The following KIF26B variants were observed in gnomAD, a reference collection of about 807,000 sequenced individuals.
The protein encoded by KIF26B is kinesin family member 26B.
Under a neutral mutation model 151.2 loss-of-function variants are expected in KIF26B, and 63 were observed. The observed-to-expected ratio is 0.42, with a 90% CI of 0.34 to 0.51. The LOEUF (loss-of-function observed/expected upper bound fraction) is 0.51. Among genes scored for constraint, KIF26B ranks in the 20% least tolerant of loss-of-function variants. The pLI, the probability that KIF26B is intolerant of heterozygous loss-of-function variation, is 0.07. For synonymous variants in KIF26B, 1,357 were observed against 1,262.1 expected (o/e 1.08, Z -1.59); for missense variants, 2,813 against 2,913.6 (o/e 0.97, Z 0.79).
rs6664771 is a variant in KIF26B, at chr1:245,690,740, T to C, written c.5824+1933T>C. Among the ~76,000 whole-genome samples the C allele has an allele frequency of 1.2e-4, 18 of 149,760 alleles. No individual in the cohort carries two copies. The East Asian group carries it at 3.0e-3, about 25-fold the overall frequency. ...CAGTACCTTGACATCTTTATTTGCC[T>C]GGGGGGGGGGTATGCTTCAGTCTTT... On this transcript the variant is annotated intron_variant, in intron 12 of 14. Coordinates refer to ENST00000407071, the MANE Select transcript of KIF26B (RefSeq NM_018012.4).
chr1:245,228,293 G>T (rs1284975022), intron 2 of KIF26B, among the ~76,000 whole-genome samples: 2 of 152,170 alleles, frequency 1.3e-5, no homozygotes. Context: ...TTGCATGCAA[G>T]GGGCATCTCC....
At chr1:245,449,305 G>A (rs755185180) in intron 4 of KIF26B, among the ~76,000 whole-genome samples, 37 of 152,176 alleles carry the variant, frequency 2.4e-4, no homozygotes, top group Non-Finnish European at 3.8e-4. Context: ...CTAAAAACCA[G>A]TGAGAGCAAT....
At chr1:245,691,011 C>T (rs911522991) in intron 12 of KIF26B, among the ~76,000 whole-genome samples, 5 of 152,226 alleles carry the variant, frequency 3.3e-5, no homozygotes, top group African/African-American at 9.6e-5. Context: ...CACGCAGCCT[C>T]GGTCTTCAAA....
chr1:245,551,871 C>G (rs1020951281), intron 5 of KIF26B, among the ~76,000 whole-genome samples: 2 of 152,168 alleles, frequency 1.3e-5, no homozygotes, highest in Admixed American at 1.3e-4. Context: ...TGGGTGCCCC[C>G]TCGTGTGCTT....
intron 2 of KIF26B, among the ~76,000 whole-genome samples, chr1:245,213,119 T>G (rs2103544828): frequency 6.6e-6 from 1 of 152,320 alleles, no homozygotes; most frequent in East Asian, 1.9e-4. Flanking sequence ...TGATTTCCTT[T>G]CGGTTCAGAA....
chr1:245,250,291 T>C (rs1670419408), intron 2 of KIF26B, among the ~76,000 whole-genome samples: 1 of 152,232 alleles, frequency 6.6e-6, no homozygotes, highest in Admixed American at 6.5e-5. Context: ...TTTTGTATGC[T>C]TTAAAATTAT....
intron 2 of KIF26B, among the ~76,000 whole-genome samples, chr1:245,301,228 G>T (rs61711343): frequency 1.1e-3 from 165 of 152,276 alleles, no homozygotes; most frequent in African/African-American, 3.9e-3. Flanking sequence ...CCTTCCTGCC[G>T]CATGCAGGAG....
chr1:245,243,469 C>CACAA (rs1419440042), intron 2 of KIF26B, among the ~76,000 whole-genome samples: 4 of 151,418 alleles, frequency 2.6e-5, no homozygotes, highest in African/African-American at 9.7e-5. Context: ...CACACACACA[C>CACAA]ACATATATAT....
intron 2 of KIF26B, among the ~76,000 whole-genome samples, chr1:245,257,340 G>T (rs1670555595): frequency 6.6e-6 from 1 of 152,188 alleles, no homozygotes; most frequent in African/African-American, 2.4e-5. Context: ...ATCTCCTGGG[G>T]CTGTGTCACA....
Position 245,686,915 on chromosome 1 carries a change from C to G in KIF26B, c.3932C>G (p.Ala1311Gly). 6.2e-7 allele frequency: 1 copy of G among 1,613,306 alleles called. No individual in the cohort carries two copies. The highest frequency in any genetic ancestry group is 8.5e-7 in the Non-Finnish European group (1 of 1,179,736). The change falls in exon 12 of 15, where the codon GCA (alanine) becomes GGA (glycine). Residue 1311 changes from alanine (A) to glycine (G), a missense_variant. Physicochemically the swap from Ala to Gly is moderately conservative, Grantham distance 60. Coordinates refer to ENST00000407071, the MANE Select transcript of KIF26B (RefSeq NM_018012.4). This position sits in a 1 kb window ranked among gnomAD's most constrained non-coding sequence, Gnocchi z 5.6. ...TGTTTTGGGCACGGGGAGGCAATGG[C>G]AGAACCTGTGGCCTCGGAGTTTGTC... ...QTCFGHGEAM[A>G]EPVASEFVSS...
At position 245,251,380 on chromosome 1, in the gene KIF26B, A is replaced by G. The variant is rs79016053; in HGVS notation, c.465+94697A>G. Among the ~76,000 whole-genome samples, 883 of 152,274 alleles carry G rather than the reference A, an allele frequency of 5.8e-3. 14 individuals carry two copies. In the East Asian group the frequency reaches 0.076, roughly 13 times the overall value. ...AATTTTAACTTTTCTCTGCACGGTT[A>G]TGTTCATTTCAAATATCTTCTCCTA... On this transcript the variant is annotated intron_variant, in intron 2 of 14. Transcript: ENST00000407071.
At chr1:245,632,520 T>C (rs2043791799) in intron 9 of KIF26B, among the ~76,000 whole-genome samples, 1 of 152,364 alleles carries the variant, frequency 6.6e-6, no homozygotes, top group East Asian at 1.9e-4. Context: ...GCTCTCTAAA[T>C]ATCTGTTCGA....
At chr1:245,399,330 C>T (rs1389021937) in intron 3 of KIF26B, among the ~76,000 whole-genome samples, 2 of 152,138 alleles carry the variant, frequency 1.3e-5, no homozygotes, top group Non-Finnish European at 2.9e-5. Flanking sequence ...GACTCACTCC[C>T]CTTCTATGTG....
At position 245,438,580 on chromosome 1, in the gene KIF26B, G is replaced by A. The variant is rs139646704; in HGVS notation, c.1166+18835G>A. On this transcript the variant is annotated intron_variant, in intron 4 of 14. Transcript: ENST00000407071. ...TGAAACGAAGGCGTTTGTTCACGTC[G>A]AGACTTGCCCGTGAATGTTCATGGC... 2.6e-3 allele frequency among the ~76,000 whole-genome samples: 393 copies of A among 152,122 alleles called. 2 individuals are homozygous for A. Among genetic ancestry groups the A allele is most frequent in the African/African-American group, 9.1e-3 (379 of 41,488 alleles).
rs548122168 is a variant in KIF26B at position 245,664,379 on chromosome 1, A to C, written c.2258+18099A>C. Among the ~76,000 whole-genome samples, 68 of 149,876 alleles carry C rather than the reference A, an allele frequency of 4.5e-4. 1 individual carries two copies. The South Asian group carries it at 0.014, about 31-fold the overall frequency. ...CATCTCAAAAAAAAAAAAAATCCACAACATTTAACTGTACTTGGTAAGAAG... is the reference window on the plus strand; with the variant it reads ...CATCTCAAAAAAAAAAAAAATCCACCACATTTAACTGTACTTGGTAAGAAG... On this transcript the variant is annotated intron_variant, in intron 10 of 14. Transcript: ENST00000407071.
At chr1:245,506,334 C>A (rs1289428163) in intron 4 of KIF26B, among the ~76,000 whole-genome samples, 1 of 152,202 alleles carries the variant, frequency 6.6e-6, no homozygotes, top group Non-Finnish European at 1.5e-5. Flanking sequence ...CTTTACCCAT[C>A]TTAAGTCCTC....
At chr1:245,351,413 C>T (rs1450857244) in intron 2 of KIF26B, among the ~76,000 whole-genome samples, 2 of 152,154 alleles carry the variant, frequency 1.3e-5, no homozygotes, top group East Asian at 3.8e-4. Flanking sequence ...TATGCCTTTT[C>T]ATGTCTTAAA....
At chr1:245,372,031 G>GT (rs1216355504) in intron 3 of KIF26B, among the ~76,000 whole-genome samples, 1 of 113,298 alleles carries the variant, frequency 8.8e-6, no homozygotes, top group South Asian at 3.1e-4. Flanking sequence ...TAGCGCAGGG[G>GT]TCCCCAGACC....
rs1324626882 is a variant in KIF26B at position 245,474,530 on chromosome 1, G to T, written c.1166+54785G>T. On this transcript the variant is annotated intron_variant, in intron 4 of 14. Coordinates refer to ENST00000407071, the MANE Select transcript of KIF26B (RefSeq NM_018012.4). Reference sequence around the variant, plus strand: ...TGGTTCCAGTGATTCTCCTGCCTCAGCCTCCCGAGTAGCTGGAATTACAGG... The same window carrying T: ...TGGTTCCAGTGATTCTCCTGCCTCATCCTCCCGAGTAGCTGGAATTACAGG... Among the ~76,000 whole-genome samples, 8 of 149,068 alleles carry T rather than the reference G, an allele frequency of 5.4e-5. 1 individual carries two copies. Among genetic ancestry groups the T allele is most frequent in the Non-Finnish European group, 1.0e-4 (7 of 66,690 alleles).
Sources: gnomAD v4.1 joint callset for allele counts (sites outside exome capture counted in the v4.1 genomes callset) on GRCh38, gnomAD v4.1.1 for gene constraint, Gnocchi (gnomAD v3.1) non-coding constraint, MANE v1.5 for transcripts, NCBI Gene and HGNC (gene_info 2026-07-23, HGNC 2026-07-21) for gene names.